The following ADAM12 variants were observed in gnomAD, a reference collection of about 807,000 sequenced individuals.
ADAM12 encodes ADAM metallopeptidase domain 12, also known as disintegrin and metalloproteinase domain-containing protein 12.
ADAM12 carries 70 observed loss-of-function variants against 106.4 expected under a neutral mutation model. The observed-to-expected ratio is 0.66, with a 90% CI of 0.54 to 0.80. The LOEUF is 0.80. ADAM12 is among the 30% of genes least tolerant of loss of function. ADAM12 has a pLI of 0.00. For synonymous variants in ADAM12, 420 were observed against 433.5 expected, an observed-to-expected ratio of 0.97 and a Z score of 0.39; for missense variants, 1,010 against 1,171.9, an observed-to-expected ratio of 0.86 and a Z score of 2.02.
intron 1 of ADAM12, among the ~76,000 whole-genome samples, chr10:126,369,937 C>T (rs1856051986): frequency 6.6e-6 from 1 of 152,178 alleles, no homozygotes; most frequent in Non-Finnish European, 1.5e-5. Flanking sequence ...GATTATACAA[C>T]TTGTGATTCT....
At chr10:126,201,497 C>T (rs1240815169) in intron 3 of ADAM12, among the ~76,000 whole-genome samples, 1 of 152,138 alleles carries the variant, frequency 6.6e-6, no homozygotes, top group Non-Finnish European at 1.5e-5. Context: ...CCTCCCAGAG[C>T]CTTGGGAGGG....
intron 4 of ADAM12, among the ~76,000 whole-genome samples, chr10:126,136,332 C>A (rs920041415): frequency 1.3e-5 from 2 of 152,168 alleles, no homozygotes; most frequent in Non-Finnish European, 2.9e-5. Context: ...AGTCCGGAAT[C>A]AAGGTTAATT....
Position 126,039,444 on chromosome 10 carries a change from A to G in ADAM12, c.2105-15T>C, listed in dbSNP as rs1954121129. The G allele has an allele frequency of 1.2e-6, 2 of 1,613,588 alleles. No individual in the cohort carries two copies. Among genetic ancestry groups the G allele is most frequent in the East Asian group, 2.2e-5 (1 of 44,838 alleles). Reference sequence around the variant, plus strand: ...ACCTTGGTTATCTGAAACAAAACACATGGGGCTCACAGAAGGAGGCAGTTA... The same window carrying G: ...ACCTTGGTTATCTGAAACAAAACACGTGGGGCTCACAGAAGGAGGCAGTTA... On this transcript the variant is annotated splice_polypyrimidine_tract_variant and intron_variant, in intron 18 of 22. Transcript: ENST00000448723.
intron 3 of ADAM12, among the ~76,000 whole-genome samples, chr10:126,265,475 C>T (rs958595944): frequency 6.6e-6 from 1 of 152,014 alleles, no homozygotes; most frequent in Non-Finnish European, 1.5e-5. Context: ...TCAGAGTGAC[C>T]CCAAACTCAG....
intron 12 of ADAM12, among the ~76,000 whole-genome samples, chr10:126,069,619 C>T (rs1190282797): frequency 6.6e-6 from 1 of 152,154 alleles, no homozygotes; most frequent in Non-Finnish European, 1.5e-5. Flanking sequence ...CAAGCATTTG[C>T]TGATGTGATG....
chr10:126,091,613 A>C (rs914606813), intron 11 of ADAM12, among the ~76,000 whole-genome samples: 2 of 24,072 alleles, frequency 8.3e-5, no homozygotes, highest in Non-Finnish European at 4.7e-4. Flanking sequence ...TAATGGGGGA[A>C]AAAAAAGCCT....
Position 126,234,250 on chromosome 10 carries a change from T to C in ADAM12, c.260+44665A>G, listed in dbSNP as rs1590658143. ...CTTTTTTTTTCTCTTGGCTTACTTG[T>C]GCTTAATTTTTATGTAATTATCATG... is the stretch of plus-strand genomic sequence containing the variant. On this transcript the variant is annotated intron_variant, in intron 3 of 22. Transcript: ENST00000448723. Among the ~76,000 whole-genome samples, 4 of 152,208 alleles carry C rather than the reference T, an allele frequency of 2.6e-5. No homozygotes were observed. The East Asian group carries it at 5.8e-4, about 22-fold the overall frequency.
intron 2 of ADAM12, among the ~76,000 whole-genome samples, chr10:126,313,523 A>G (rs1961208556): frequency 6.6e-6 from 1 of 152,228 alleles, no homozygotes; most frequent in Admixed American, 6.5e-5. Flanking sequence ...ATAGCCAGAC[A>G]TATAAGATGA....
At chr10:126,275,780 T>A (rs1274155213) in intron 3 of ADAM12, among the ~76,000 whole-genome samples, 19 of 152,194 alleles carry the variant, frequency 1.2e-4, no homozygotes, top group Admixed American at 1.2e-3. Flanking sequence ...TTTCAACCAT[T>A]ATCAAGTTTT....
At chr10:126,094,156 A>G (rs537602629) in intron 10 of ADAM12, 23 bp from the exon 11 acceptor site, 1 of 1,610,800 alleles carries the variant, frequency 6.2e-7, no homozygotes, top group South Asian at 1.1e-5. Flanking sequence ...ACAAAAGTAC[A>G]GGTGTATAAT....
chr10:126,101,590 C>T (rs1468983557), intron 8 of ADAM12, among the ~76,000 whole-genome samples: 1 of 152,168 alleles, frequency 6.6e-6, no homozygotes, highest in Non-Finnish European at 1.5e-5. Context: ...AGTTAATATC[C>T]ACTGCAAGTG....
chr10:126,364,744 A>T (rs1439750025), intron 1 of ADAM12, among the ~76,000 whole-genome samples: 3 of 152,150 alleles, frequency 2.0e-5, no homozygotes, highest in South Asian at 4.1e-4. Flanking sequence ...CTAACAATTT[A>T]AAAAAATCAA....
At chr10:126,128,237 G>C (rs988455553) in intron 5 of ADAM12, among the ~76,000 whole-genome samples, 2 of 152,134 alleles carry the variant, frequency 1.3e-5, no homozygotes, top group African/African-American at 4.8e-5. Context: ...AGAGGCCCCG[G>C]TCTGCAGCTG....
chr10:126,251,533 ATAGATGGATG>A (rs2133683309), intron 3 of ADAM12, among the ~76,000 whole-genome samples: 1 of 32,086 alleles, frequency 3.1e-5, no homozygotes, highest in South Asian at 1.4e-3. Flanking sequence ...GACAGGATGG[ATAGATGGATG>A]GATAGGATAG....
At chr10:126,024,247 A>G (rs1015103023) in intron 21 of ADAM12, among the ~76,000 whole-genome samples, 2 of 152,214 alleles carry the variant, frequency 1.3e-5, no homozygotes, top group Non-Finnish European at 2.9e-5. Flanking sequence ...CAGTGCTTGT[A>G]TCTGGAGGGA....
At chr10:126,147,362 C>G (rs1956647586) in intron 4 of ADAM12, among the ~76,000 whole-genome samples, 1 of 152,178 alleles carries the variant, frequency 6.6e-6, no homozygotes, top group South Asian at 2.1e-4. Context: ...CCCTCCCTCT[C>G]CCCTCCTGTT....
chr10:126,062,872 G>C (rs546354497), intron 14 of ADAM12, among the ~76,000 whole-genome samples: 1 of 152,218 alleles, frequency 6.6e-6, no homozygotes, highest in Non-Finnish European at 1.5e-5. Context: ...GGACGGGGAC[G>C]GCACTAGGGA....
At chr10:126,165,175 C>T (rs1424269764) in intron 3 of ADAM12, among the ~76,000 whole-genome samples, 2 of 149,554 alleles carry the variant, frequency 1.3e-5, no homozygotes, top group Non-Finnish European at 3.0e-5. Flanking sequence ...GGGGCATTCA[C>T]TTTTTTTTTT....
intron 1 of ADAM12, among the ~76,000 whole-genome samples, chr10:126,359,177 C>T (rs554322368): frequency 6.6e-6 from 1 of 152,292 alleles, no homozygotes; most frequent in African/African-American, 2.4e-5. Flanking sequence ...CCACCAGGTT[C>T]CTTCCACAAC....
Sources: allele counts gnomAD v4.1 joint callset (sites outside exome capture counted in the v4.1 genomes callset), GRCh38; gene constraint gnomAD v4.1.1; transcripts MANE v1.5; gene names NCBI Gene and HGNC (gene_info 2026-07-23, HGNC 2026-07-21).